MYO1H: variants seen among roughly 807,000 people sequenced by gnomAD.
The protein encoded by MYO1H is unconventional myosin-Ih.
In MYO1H, 118 loss-of-function variants were observed where a neutral mutation model predicts 149.3. The observed-to-expected ratio is 0.79, with a 90% CI of 0.68 to 0.92. The LOEUF (loss-of-function observed/expected upper bound fraction) is 0.92. MYO1H is among the 40% of genes least tolerant of loss of function. The pLI, the probability that MYO1H is intolerant of heterozygous loss-of-function variation, is 0.00. For missense variants in MYO1H, 1,212 were observed against 1,280.7 expected (o/e 0.95, Z 0.82); for synonymous variants, 447 against 465.2 (o/e 0.96, Z 0.50).
intron 31 of MYO1H, chr12:109,446,106 T>C: frequency 1.0e-6 from 1 of 985,434 alleles, no homozygotes; most frequent in Non-Finnish European, 1.2e-6. Context: ...AAGTTGCTTT[T>C]TGGAATACAT....
the MYO1H span, among the ~76,000 whole-genome samples, chr12:109,341,326 C>A: frequency 6.6e-6 from 1 of 151,734 alleles, no homozygotes; most frequent in South Asian, 2.1e-4. Flanking sequence ...TTTCACATGC[C>A]TCCATTGTTG....
At chr12:109,446,510 T>C (rs1012583950) in intron 31 of MYO1H, 6 of 975,208 alleles carry the variant, frequency 6.2e-6, no homozygotes, top group Middle Eastern at 5.2e-4. Flanking sequence ...ACGCCTATAA[T>C]CCCAGCACTT....
At position 109,406,817 on chromosome 12, in the gene MYO1H, T is replaced by C. The variant is rs768028014; in HGVS notation, c.992T>C (p.Leu331Pro). The C allele has an allele frequency of 1.9e-5, 30 of 1,613,904 alleles. No individual in the cohort carries two copies. Among genetic ancestry groups the C allele is most frequent in the Non-Finnish European group, 2.5e-5 (30 of 1,179,894 alleles). The change falls in exon 9 of 32, where the codon CTG (leucine) becomes CCG (proline). Residue 331 changes from leucine (L) to proline (P), a missense_variant. Physicochemically the swap from Leu to Pro is moderately conservative, Grantham distance 98. Transcript: ENST00000310903. Reference sequence around the variant, plus strand: ...CTGGGGGTCCACCCATCAGTCCTTCTGGAAGCTCTCACCCACAGAAAAATT... The same window carrying C: ...CTGGGGGTCCACCCATCAGTCCTTCCGGAAGCTCTCACCCACAGAAAAATT...
At chr12:109,324,483 T>C in the MYO1H span, among the ~76,000 whole-genome samples, 3 of 152,202 alleles carry the variant, frequency 2.0e-5, no homozygotes, top group East Asian at 5.8e-4. Flanking sequence ...TAACTTATTT[T>C]ATAAGCTTCC....
At chr12:109,339,710 G>T in the MYO1H span, among the ~76,000 whole-genome samples, 1 of 152,134 alleles carries the variant, frequency 6.6e-6, no homozygotes, top group African/African-American at 2.4e-5. Context: ...GGGAGAGGAA[G>T]CCTTAAAGAT....
intron 5 of MYO1H, among the ~76,000 whole-genome samples, chr12:109,399,226 T>C (rs1870047202): frequency 6.6e-6 from 1 of 152,148 alleles, no homozygotes; most frequent in Non-Finnish European, 1.5e-5. Flanking sequence ...CCGTAAAACA[T>C]GAGGATAGCC....
chr12:109,385,595 G>A (rs1869288638), intron 1 of MYO1H, among the ~76,000 whole-genome samples: 1 of 152,166 alleles, frequency 6.6e-6, no homozygotes, highest in African/African-American at 2.4e-5. Context: ...CGCCCAGCCT[G>A]AAATCACTAA....
chr12:109,388,562 C>A, intron 1 of MYO1H, 121 bp from the exon 2 acceptor site: 1 of 856,752 alleles, frequency 1.2e-6, no homozygotes, highest in Non-Finnish European at 1.7e-6. Flanking sequence ...GTGAAGACGG[C>A]ATAATTTAAT....
intron 5 of MYO1H, among the ~76,000 whole-genome samples, chr12:109,399,914 CTT>C (rs1258243897): frequency 6.6e-6 from 1 of 152,152 alleles, no homozygotes; most frequent in Non-Finnish European, 1.5e-5. Flanking sequence ...GACCCTATCT[CTT>C]AAAAATTCTA....
intron 31 of MYO1H, chr12:109,446,349 A>G (rs1379471949): frequency 1.0e-6 from 1 of 985,296 alleles, no homozygotes; most frequent in Non-Finnish European, 1.2e-6. Flanking sequence ...AAGCAGAGGG[A>G]GCTGAATCTT....
intron 16 of MYO1H, among the ~76,000 whole-genome samples, chr12:109,423,970 C>A (rs1871268608): frequency 6.6e-6 from 1 of 152,188 alleles, no homozygotes; most frequent in Non-Finnish European, 1.5e-5. Flanking sequence ...CCCTGGGTCC[C>A]ATGTCAGCAA....
At chr12:109,421,226 T>TC (rs1286043299) in intron 16 of MYO1H, among the ~76,000 whole-genome samples, 199 bp downstream of exon 16, 3 of 108,428 alleles carry the variant, frequency 2.8e-5, no homozygotes, top group African/African-American at 1.3e-4. Flanking sequence ...ATGTGTATGA[T>TC]GCCCCCTGGG....
chr12:109,362,414 G>A (rs1384217249), intron 1 of MYO1H, among the ~76,000 whole-genome samples: 1 of 152,148 alleles, frequency 6.6e-6, no homozygotes, highest in African/African-American at 2.4e-5. Context: ...GGGAGAAAAG[G>A]TACTATCTTT....
exon 3 of MYO1H, chr12:109,393,342 C>A: frequency 6.4e-7 from 1 of 1,573,704 alleles, no homozygotes; most frequent in Non-Finnish European, 8.6e-7. Flanking sequence ...CATATATTGG[C>A]ACCCTCCTTG....
the MYO1H span, among the ~76,000 whole-genome samples, chr12:109,336,201 A>G: frequency 1.3e-5 from 2 of 151,862 alleles, no homozygotes; most frequent in Non-Finnish European, 2.9e-5. Flanking sequence ...TCTTATTTCT[A>G]CTTCTCCTTG....
intron 3 of MYO1H, 105 bp downstream of exon 3, chr12:109,393,551 C>CCATCCATT (rs1869761637): frequency 8.2e-6 from 5 of 609,862 alleles, no homozygotes; most frequent in African/African-American, 1.9e-5. Flanking sequence ...ATCCATCCAT[C>CCATCCATT]CATCCATCCA....
At chr12:109,334,504 T>C in the MYO1H span, among the ~76,000 whole-genome samples, 1 of 152,212 alleles carries the variant, frequency 6.6e-6, no homozygotes, top group African/African-American at 2.4e-5. Context: ...TCCACATTGT[T>C]GTAGATGAGA....
chr12:109,402,057 C>T (rs541188981), intron 6 of MYO1H, among the ~76,000 whole-genome samples: 1 of 152,208 alleles, frequency 6.6e-6, no homozygotes, highest in East Asian at 1.9e-4. Context: ...AGATCTTTTC[C>T]CGCATTCCTG....
At chr12:109,360,437 C>G (rs898672175) in intron 1 of MYO1H, among the ~76,000 whole-genome samples, 1 of 152,188 alleles carries the variant, frequency 6.6e-6, no homozygotes, top group Non-Finnish European at 1.5e-5. Context: ...TGCCCCATCT[C>G]TCTTCTCTGT....
Sources: allele counts gnomAD v4.1 joint callset (sites outside exome capture counted in the v4.1 genomes callset), GRCh38; gene constraint gnomAD v4.1.1; transcripts MANE v1.5; gene names NCBI Gene and HGNC (gene_info 2026-07-23, HGNC 2026-07-21).